The following PIK3C2A variants were observed in gnomAD, a reference collection of about 807,000 sequenced individuals.
The protein encoded by PIK3C2A is phosphatidylinositol 4-phosphate 3-kinase C2 domain-containing subunit alpha.
In PIK3C2A, 97 loss-of-function variants were observed where a neutral mutation model predicts 204.5. The observed-to-expected ratio is 0.47, with a 90% confidence interval of 0.40 to 0.56. The LOEUF is 0.56. Among genes scored for constraint, PIK3C2A ranks in the 20% least tolerant of loss-of-function variants. PIK3C2A has a pLI of 0.00. For missense variants in PIK3C2A, 1,735 were observed against 1,969.2 expected (o/e 0.88, Z 2.25); for synonymous variants, 653 against 664.4 (o/e 0.98, Z 0.26).
intron 26 of PIK3C2A, among the ~76,000 whole-genome samples, chr11:17,098,668 G>C (rs1590899971): frequency 1.3e-5 from 2 of 152,148 alleles, no homozygotes; most frequent in East Asian, 3.8e-4. Flanking sequence ...AGTTTGGAAG[G>C]CTATACAAAA....
rs551947149 is a variant in PIK3C2A, at chr11:17,137,098, T to C, written c.1705-473A>G. Among the ~76,000 whole-genome samples, 26 of 152,286 alleles carry C rather than the reference T, an allele frequency of 1.7e-4. No homozygotes were observed. In the South Asian group the frequency reaches 5.2e-3, roughly 30 times the overall value. Reference sequence around the variant, plus strand: ...TTAAGAAACATTCTTATATAATGTATTAATTCATAAAACATTTATGCCAAA... The same window carrying C: ...TTAAGAAACATTCTTATATAATGTACTAATTCATAAAACATTTATGCCAAA... On this transcript the variant is annotated intron_variant, in intron 8 of 32. Transcript: ENST00000691414.
At chr11:17,206,148 C>T (rs1405917257) in intron 1 of PIK3C2A, among the ~76,000 whole-genome samples, 1 of 152,098 alleles carries the variant, frequency 6.6e-6, no homozygotes, top group Non-Finnish European at 1.5e-5. Flanking sequence ...GTGATGAAAA[C>T]ATTAAAACAT....
At chr11:17,205,326 T>C (rs575881576) in intron 1 of PIK3C2A, among the ~76,000 whole-genome samples, 54 of 151,466 alleles carry the variant, frequency 3.6e-4, no homozygotes, top group Non-Finnish European at 6.0e-4. Flanking sequence ...ATACAAAAAT[T>C]AGCTGGGCAT....
intron 28 of PIK3C2A, among the ~76,000 whole-genome samples, chr11:17,093,555 C>T (rs746326799): frequency 1.4e-4 from 21 of 151,828 alleles, no homozygotes; most frequent in Admixed American, 5.3e-4. Flanking sequence ...TGAGCCACCG[C>T]GCCCGGCCAT....
At chr11:17,129,526 C>T (rs17847718) in intron 12 of PIK3C2A, 59 bp from the exon 13 acceptor site, 59,006 of 1,027,992 alleles carry the variant, frequency 0.057, 2,081 homozygotes, top group Middle Eastern at 0.091. Context: ...TGAAATTTAA[C>T]ACTTTAATGA....
chr11:17,118,646 A>G lies in PIK3C2A; in HGVS notation c.3034T>C (p.Trp1012Arg). ...GNIQIAHNLY[W>R]LLKDALHDVQ... ...TAATCAATAAAATTTAAATCTTACC[A>G]ATATAAATTGTGTGCTATCTGGATA... The change falls in exon 18 of 33, where the codon TGG becomes CGG. Residue 1012 changes from tryptophan (W) to arginine (R), a missense_variant and splice_region_variant. By Grantham distance (101) the Trp-to-Arg change is moderately radical (BLOSUM62 -3). Around this residue, in one of 6 missense-constraint regions of PIK3C2A, gnomAD observed 567 missense variants for 576.0 expected, o/e 0.98. Coordinates refer to ENST00000691414, the MANE Select transcript of PIK3C2A (RefSeq NM_002645.4). 1 of 1,335,582 alleles carries G rather than the reference A, an allele frequency of 7.5e-7. No individual in the cohort carries two copies. Among genetic ancestry groups the G allele is most frequent in the Non-Finnish European group, 1.1e-6 (1 of 933,114 alleles). 82.7% of individuals were successfully genotyped at this position (1,335,582 alleles called of 1,614,324 possible).
chr11:17,166,883 G>A (rs1032526026), intron 2 of PIK3C2A, among the ~76,000 whole-genome samples: 2 of 152,188 alleles, frequency 1.3e-5, no homozygotes, highest in Non-Finnish European at 2.9e-5. Flanking sequence ...GGAGTCATCT[G>A]CCTATTAGAA....
At chr11:17,101,880 G>C (rs1487655655) in intron 24 of PIK3C2A, among the ~76,000 whole-genome samples, 4 of 151,916 alleles carry the variant, frequency 2.6e-5, no homozygotes, top group Admixed American at 2.0e-4. Context: ...TGGGATTACA[G>C]GCGTGAGCCA....
chr11:17,089,697 T>A lies in PIK3C2A; in HGVS notation c.*41A>T, dbSNP rs1848243735. The A allele has an allele frequency of 2.1e-6, 3 of 1,399,404 alleles. No homozygotes were observed. In the East Asian group the frequency reaches 6.9e-5, roughly 32 times the overall value. 86.7% of individuals were successfully genotyped at this position (1,399,404 alleles called of 1,614,324 possible). On this transcript the variant is annotated 3_prime_UTR_variant, in exon 33 of 33. Coordinates refer to ENST00000691414, the MANE Select transcript of PIK3C2A (RefSeq NM_002645.4). ...TGTGTGTGCATGTATGCATGCACGT[T>A]TATAACTGTTCATGCTTCCAAAGCT...
At chr11:17,098,846 A>G (rs1848531521) in intron 26 of PIK3C2A, among the ~76,000 whole-genome samples, 1 of 152,222 alleles carries the variant, frequency 6.6e-6, no homozygotes, top group Non-Finnish European at 1.5e-5. Context: ...ATGTGGCAGC[A>G]GCAGTCAGTA....
chr11:17,096,211 A>G (rs1307844878), intron 27 of PIK3C2A, among the ~76,000 whole-genome samples: 1 of 151,746 alleles, frequency 6.6e-6, no homozygotes. Flanking sequence ...GCTAATTTTC[A>G]TATTTTTATT....
intron 1 of PIK3C2A, among the ~76,000 whole-genome samples, chr11:17,191,727 A>C (rs113876422): frequency 0.022 from 3,333 of 152,294 alleles, 133 homozygotes; most frequent in African/African-American, 0.072. Flanking sequence ...AGTTGGTGTC[A>C]GAAGTGAAAG....
intron 2 of PIK3C2A, among the ~76,000 whole-genome samples, chr11:17,156,635 A>C (rs1048762706): frequency 6.6e-6 from 1 of 152,186 alleles, no homozygotes; most frequent in African/African-American, 2.4e-5. Flanking sequence ...TGCCTGCCTC[A>C]GCACACAAGA....
chr11:17,116,926 C>T (rs1849213360), intron 19 of PIK3C2A, among the ~76,000 whole-genome samples: 1 of 152,134 alleles, frequency 6.6e-6, no homozygotes, highest in South Asian at 2.1e-4. Context: ...GTGGAAACAA[C>T]CCAAATGTCC....
intron 1 of PIK3C2A, among the ~76,000 whole-genome samples, chr11:17,174,227 C>A (rs1311929461): frequency 6.6e-6 from 1 of 152,164 alleles, no homozygotes; most frequent in East Asian, 1.9e-4. Flanking sequence ...AAAAATAAAT[C>A]AAGTGTAATC....
At chr11:17,185,856 T>G (rs1429388097) in intron 1 of PIK3C2A, among the ~76,000 whole-genome samples, 1 of 152,190 alleles carries the variant, frequency 6.6e-6, no homozygotes, top group Non-Finnish European at 1.5e-5. Context: ...GCTACATTTA[T>G]AACCCCTCCT....
At position 17,102,049 on chromosome 11, in the gene PIK3C2A, A is replaced by C. The variant is rs996849634; in HGVS notation, c.3851+613T>G. On this transcript the variant is annotated intron_variant, in intron 24 of 32. Transcript: ENST00000691414. ...GAGATCAAACAGTAGTTACAAACATAGAAAACTACTTACTGCCGTTATACA... is the reference window on the plus strand; with the variant it reads ...GAGATCAAACAGTAGTTACAAACATCGAAAACTACTTACTGCCGTTATACA... Among the ~76,000 whole-genome samples, 6 of 152,366 alleles carry C rather than the reference A, an allele frequency of 3.9e-5. No individual in the cohort carries two copies. In the South Asian group the frequency reaches 1.2e-3, roughly 32 times the overall value.
intron 25 of PIK3C2A, among the ~76,000 whole-genome samples, chr11:17,100,687 C>T (rs1301507649): frequency 6.6e-6 from 1 of 152,138 alleles, no homozygotes; most frequent in Non-Finnish European, 1.5e-5. Flanking sequence ...CCCCTTCCTA[C>T]CCTCCCAAGT....
In PIK3C2A at chr11:17,122,786, T is replaced by A. The variant is rs376174997; in HGVS notation, c.2427A>T (p.Leu809=). ...TTGTATGTGATGAAGTCCAAAGATATAGAAGTTTAGTTCCACATGTTAAAA... is the reference window on the plus strand; with the variant it reads ...TTGTATGTGATGAAGTCCAAAGATAAAGAAGTTTAGTTCCACATGTTAAAA... The part of the protein sequence containing the change: ...KRFLTCGTKL[L]YLWTSSHTNS... Residue 809 remains leucine, a synonymous_variant, in exon 14 of 33, where the codon CTA becomes CTT. Coordinates refer to ENST00000691414, the MANE Select transcript of PIK3C2A (RefSeq NM_002645.4). 6.6e-7 allele frequency: 1 copy of A among 1,517,782 alleles called. No individual in the cohort carries two copies. The allele number at this position is 1,517,782 out of a possible 1,614,324, so 94.0% of individuals were successfully genotyped here. A position where few individuals can be genotyped will look rare whatever the true frequency, so the allele number is the denominator to read the frequency against.
Sources: allele counts gnomAD v4.1 joint callset (sites outside exome capture counted in the v4.1 genomes callset), GRCh38; gene constraint gnomAD v4.1.1; regional missense constraint gnomAD v4.1.1; transcripts MANE v1.5; gene names NCBI Gene and HGNC (gene_info 2026-07-23, HGNC 2026-07-21).